Variants in TXLNB observed in about 807,000 individuals in gnomAD.
TXLNB encodes the protein beta-taxilin.
TXLNB carries 37 observed loss-of-function variants against 57.4 expected under a neutral mutation model. The observed-to-expected ratio is 0.64, with a 90% CI of 0.50 to 0.85. The LOEUF is 0.85. Ranked by LOEUF, TXLNB falls within the 40% of genes least tolerant of loss-of-function variation. The pLI, the probability that TXLNB is intolerant of heterozygous loss-of-function variation, is 0.00. For synonymous variants in TXLNB, 302 were observed against 309.6 expected (o/e 0.98, Z 0.26); for missense variants, 848 against 825.6 (o/e 1.03, Z -0.33).
chr6:139,321,633 C>CTTTTTTTTTTTTTT, the TXLNB span, among the ~76,000 whole-genome samples: 1 of 84,364 alleles, frequency 1.2e-5, no homozygotes, highest in Non-Finnish European at 2.1e-5. Flanking sequence ...ACTACTCTCT[C>CTTTTTTTTTTTTTT]TTTTTTTTTT....
At chr6:139,293,150 T>G (rs1397253188), upstream of TXLNB, among the ~76,000 whole-genome samples, 1 of 152,124 alleles carries the variant, frequency 6.6e-6, no homozygotes, top group Non-Finnish European at 1.5e-5. Context: ...CAGGCTGGAG[T>G]GCAGTGGTGC....
the TXLNB span, among the ~76,000 whole-genome samples, chr6:139,186,448 A>G: frequency 6.6e-6 from 1 of 152,198 alleles, no homozygotes; most frequent in African/African-American, 2.4e-5. Context: ...TAAAACCACA[A>G]TGAGGTACCA....
chr6:139,254,315 T>TTG (rs60108019), intron 7 of TXLNB, among the ~76,000 whole-genome samples: 4,272 of 150,094 alleles, frequency 0.028, 150 homozygotes, highest in African/African-American at 0.085. Context: ...TGAACACGAT[T>TTG]TGTGTGTGTG....
the TXLNB span, among the ~76,000 whole-genome samples, chr6:139,313,539 C>T: frequency 1.3e-5 from 2 of 152,200 alleles, no homozygotes; most frequent in African/African-American, 2.4e-5. Flanking sequence ...AGTACCCTGA[C>T]CAGGAGTTTG....
At chr6:139,221,596 T>A in the TXLNB span, among the ~76,000 whole-genome samples, 2 of 152,140 alleles carry the variant, frequency 1.3e-5, no homozygotes, top group Admixed American at 6.5e-5. Flanking sequence ...GATATTGCAA[T>A]GATCGGACGT....
At chr6:139,232,305 G>GA in the TXLNB span, among the ~76,000 whole-genome samples, 1 of 152,140 alleles carries the variant, frequency 6.6e-6, no homozygotes, top group Non-Finnish European at 1.5e-5. Flanking sequence ...AACAGCATGG[G>GA]AAAAACTGCC....
At chr6:139,230,201 T>A in the TXLNB span, among the ~76,000 whole-genome samples, 1 of 152,196 alleles carries the variant, frequency 6.6e-6, no homozygotes, top group African/African-American at 2.4e-5. Context: ...AGCCAGATGG[T>A]CCACCTACAA....
Position 139,288,928 on chromosome 6 carries a change from A to G in TXLNB, c.-14-15T>C, listed in dbSNP as rs762909556. 88 of 1,590,208 alleles carry G rather than the reference A, an allele frequency of 5.5e-5. No individual in the cohort carries two copies. The highest frequency in any genetic ancestry group is 7.6e-5 in the Non-Finnish European group (88 of 1,164,848). ...GGGAGTAGTATCTAGTGGTAAGCAC[A>G]GTTAGGCTTTATGTAGCTAACCTAC... is the stretch of plus-strand genomic sequence containing the variant. On this transcript the variant is annotated splice_polypyrimidine_tract_variant and intron_variant, in intron 1 of 9. Transcript: ENST00000358430.
the TXLNB span, among the ~76,000 whole-genome samples, chr6:139,209,605 A>G: frequency 1.3e-5 from 2 of 152,222 alleles, no homozygotes; most frequent in African/African-American, 2.4e-5. Context: ...TTACAAAAAG[A>G]TAAAGTGGGG....
the TXLNB span, among the ~76,000 whole-genome samples, chr6:139,307,814 A>AATT: frequency 2.6e-5 from 4 of 152,224 alleles, no homozygotes; most frequent in Non-Finnish European, 5.9e-5. Flanking sequence ...ACTAAGAAAT[A>AATT]ATTATATCAT....
chr6:139,270,489 G>T lies in TXLNB; in HGVS notation c.654C>A (p.Cys218Ter), dbSNP rs1776731575. 1 of 1,613,998 alleles carries T rather than the reference G, an allele frequency of 6.2e-7. No homozygotes were observed. Among genetic ancestry groups the T allele is most frequent in the South Asian group, 1.1e-5 (1 of 91,082 alleles). ...ILARSKLESL[C>*]RELQRHNKTL... is the part of the protein sequence containing the mutation. ...TCTTGTTGTGTCTCTGCAGCTCCCG[G>T]CACAGACTCTCCAATTTGCTTCGAG... is the stretch of plus-strand genomic sequence containing the variant. Residue 218 changes from cysteine to a stop codon, truncating the protein, a stop_gained, in exon 4 of 10, where the codon TGC (cysteine) becomes TGA (stop). Transcript: ENST00000358430. LOFTEE classifies it high-confidence loss of function.
At chr6:139,316,503 T>C in the TXLNB span, among the ~76,000 whole-genome samples, 4 of 152,156 alleles carry the variant, frequency 2.6e-5, no homozygotes, top group African/African-American at 7.2e-5. Context: ...TTCTTAGCTA[T>C]AAATTCCCAC....
At chr6:139,270,081 T>C (rs1776718681) in intron 4 of TXLNB, among the ~76,000 whole-genome samples, 1 of 152,184 alleles carries the variant, frequency 6.6e-6, no homozygotes, top group Non-Finnish European at 1.5e-5. Flanking sequence ...TGCTGAATCT[T>C]TACAAATGTA....
At chr6:139,231,211 T>A in the TXLNB span, among the ~76,000 whole-genome samples, 1 of 152,202 alleles carries the variant, frequency 6.6e-6, no homozygotes, top group Non-Finnish European at 1.5e-5. Flanking sequence ...CTTGGAGATC[T>A]GGGTATCATT....
At chr6:139,206,039 A>G in the TXLNB span, among the ~76,000 whole-genome samples, 2 of 152,232 alleles carry the variant, frequency 1.3e-5, 1 homozygote, top group East Asian at 3.8e-4. Context: ...CTGAAACAAA[A>G]TAATTGTCAT....
intron 3 of TXLNB, among the ~76,000 whole-genome samples, chr6:139,274,831 T>C (rs1351946651): frequency 6.6e-6 from 1 of 152,038 alleles, no homozygotes; most frequent in African/African-American, 2.4e-5. Flanking sequence ...TGGTATGAGT[T>C]GGTAAATCGA....
chr6:139,288,989 A>G, intron 1 of TXLNB, 76 bp from the exon 2 acceptor site: 7 of 1,071,852 alleles, frequency 6.5e-6, no homozygotes, highest in South Asian at 1.5e-5. Flanking sequence ...AATGGTAAGG[A>G]TATCCCCCAA....
chr6:139,284,664 T>A (rs1777131222), intron 2 of TXLNB, among the ~76,000 whole-genome samples: 1 of 146,248 alleles, frequency 6.8e-6, no homozygotes, highest in African/African-American at 2.5e-5. Context: ...TTCAAAGAAC[T>A]GAGAAACTAG....
At chr6:139,236,502 G>A (rs1295217023), downstream of TXLNB, among the ~76,000 whole-genome samples, 1 of 152,096 alleles carries the variant, frequency 6.6e-6, no homozygotes, top group Non-Finnish European at 1.5e-5. Flanking sequence ...TAAGCACCTG[G>A]CATTTCCCCT....
Sources: allele counts gnomAD v4.1 joint callset (sites outside exome capture counted in the v4.1 genomes callset), GRCh38; gene constraint gnomAD v4.1.1; transcripts MANE v1.5; gene names NCBI Gene and HGNC (gene_info 2026-07-23, HGNC 2026-07-21).